The following LRMDA variants were observed in gnomAD, a reference collection of about 807,000 sequenced individuals.
LRMDA encodes leucine-rich melanocyte differentiation-associated protein.
Under a neutral mutation model 29.8 loss-of-function variants are expected in LRMDA, and 18 were observed. The observed-to-expected ratio is 0.60, with a 90% CI of 0.42 to 0.90. The LOEUF (loss-of-function observed/expected upper bound fraction) is 0.90. LRMDA is among the 40% of genes least tolerant of loss of function. The pLI is 0.00. For missense variants in LRMDA, 273 were observed against 273.9 expected (o/e 1.00, Z 0.02); for synonymous variants, 125 against 109.4 (o/e 1.14, Z -0.89).
chr10:75,527,169 A>G (rs922907486), intron 2 of LRMDA, among the ~76,000 whole-genome samples: 1 of 152,182 alleles, frequency 6.6e-6, no homozygotes, highest in Non-Finnish European at 1.5e-5. Flanking sequence ...TCAGAATACT[A>G]TTTTTAAGGT....
In LRMDA at chr10:76,018,765, G is replaced by A. The variant is rs12251430; in HGVS notation, c.132-17243G>A. 6.0e-3 allele frequency among the ~76,000 whole-genome samples: 912 copies of A among 152,002 alleles called. 9 individuals carry two copies. Among genetic ancestry groups the A allele is most frequent in the African/African-American group, 0.02 (828 of 41,458 alleles). The stretch of plus-strand genomic sequence containing the variant: ...GTATTTTTAGTAGAGACAGGGTTTC[G>A]CCATGTTGGCCAGGATGGTCTTGAT... On this transcript the variant is annotated intron_variant, in intron 2 of 6. Transcript: ENST00000611255.
intron 6 of LRMDA, among the ~76,000 whole-genome samples, chr10:76,398,075 T>C (rs570279961): frequency 6.5e-4 from 99 of 152,326 alleles, no homozygotes; most frequent in Middle Eastern, 6.8e-3. Context: ...TTTTCAGCTG[T>C]GCCAGAACCG....
intron 6 of LRMDA, among the ~76,000 whole-genome samples, chr10:76,479,055 T>C (rs1842709555): frequency 6.6e-6 from 1 of 151,024 alleles, no homozygotes; most frequent in Admixed American, 6.6e-5. Context: ...AATAAAAATA[T>C]ATATATAAAT....
intron 5 of LRMDA, among the ~76,000 whole-genome samples, chr10:76,221,308 A>G (rs555329994): frequency 1.3e-5 from 2 of 152,360 alleles, no homozygotes; most frequent in East Asian, 1.9e-4. Context: ...AGGGTATTCA[A>G]TTAGGAAAAG....
intron 2 of LRMDA, among the ~76,000 whole-genome samples, chr10:75,511,228 G>T (rs536066734): frequency 1.3e-5 from 2 of 151,980 alleles, no homozygotes; most frequent in East Asian, 1.9e-4. Flanking sequence ...CCACCTACTC[G>T]CGAGGCTGAG....
chr10:75,958,636 G>C (rs979315178), intron 2 of LRMDA, among the ~76,000 whole-genome samples: 2 of 152,154 alleles, frequency 1.3e-5, no homozygotes, highest in Admixed American at 1.3e-4. Context: ...GATAATTGAT[G>C]TTTTATGGAT....
intron 6 of LRMDA, chr10:76,464,801 T>A (rs977325046): frequency 1.3e-5 from 2 of 152,220 alleles, no homozygotes; most frequent in African/African-American, 2.4e-5. Context: ...CATATCTTCA[T>A]CACCGTGTAG....
chr10:75,954,444 ATG>A (rs1846631556), intron 2 of LRMDA, among the ~76,000 whole-genome samples: 1 of 152,226 alleles, frequency 6.6e-6, no homozygotes, highest in South Asian at 2.1e-4. Flanking sequence ...ACTGCATCTC[ATG>A]TTGCTAAAAT....
At chr10:75,436,653 T>G (rs1844267431) in intron 1 of LRMDA, among the ~76,000 whole-genome samples, 1 of 152,006 alleles carries the variant, frequency 6.6e-6, no homozygotes. Flanking sequence ...GTATTTTTAG[T>G]AGAGATGGGG....
At chr10:75,713,097 A>G (rs10762677) in intron 2 of LRMDA, among the ~76,000 whole-genome samples, 56,474 of 152,114 alleles carry the variant, frequency 0.37, 16,322 homozygotes, top group African/African-American at 0.8. Flanking sequence ...AAAGTTAGTG[A>G]CTTTCTACCT....
intron 2 of LRMDA, among the ~76,000 whole-genome samples, chr10:75,583,487 G>T (rs1227102218): frequency 2.0e-5 from 3 of 152,166 alleles, no homozygotes; most frequent in Admixed American, 2.0e-4. Context: ...CAACTCTCAT[G>T]AGAACTCATT....
At chr10:75,507,328 C>T (rs569011562) in intron 2 of LRMDA, among the ~76,000 whole-genome samples, 4 of 152,266 alleles carry the variant, frequency 2.6e-5, no homozygotes, top group Admixed American at 2.0e-4. Context: ...GGCAGGAGCT[C>T]TCCTGAAGCA....
At chr10:75,593,178 T>C (rs1483196973) in intron 2 of LRMDA, among the ~76,000 whole-genome samples, 3 of 152,244 alleles carry the variant, frequency 2.0e-5, no homozygotes, top group African/African-American at 7.2e-5. Context: ...ATTTATTTTT[T>C]AACCAGTTTT....
intron 2 of LRMDA, among the ~76,000 whole-genome samples, chr10:75,932,092 T>A (rs1401802625): frequency 6.6e-6 from 1 of 152,148 alleles, no homozygotes; most frequent in Non-Finnish European, 1.5e-5. Flanking sequence ...CAATAACAAG[T>A]TTTTTGGGTT....
intron 2 of LRMDA, among the ~76,000 whole-genome samples, chr10:75,867,492 G>A (rs943646299): frequency 1.7e-4 from 26 of 152,146 alleles, no homozygotes; most frequent in African/African-American, 3.6e-4. Context: ...ACACCAGAGC[G>A]TCTTCATTTC....
At chr10:75,446,498 G>C (rs574652462) in intron 2 of LRMDA, among the ~76,000 whole-genome samples, 1 of 152,166 alleles carries the variant, frequency 6.6e-6, no homozygotes, top group African/African-American at 2.4e-5. Flanking sequence ...ATATCTCAGC[G>C]TTCTTTGGTA....
chr10:76,103,178 C>A (rs1235486144), intron 5 of LRMDA, among the ~76,000 whole-genome samples: 3 of 152,142 alleles, frequency 2.0e-5, no homozygotes, highest in African/African-American at 7.2e-5. Context: ...CATGTAGGAA[C>A]CTTTGTAGCT....
intron 5 of LRMDA, among the ~76,000 whole-genome samples, chr10:76,207,127 C>A (rs1409908492): frequency 6.6e-6 from 1 of 152,082 alleles, no homozygotes; most frequent in East Asian, 1.9e-4. Context: ...CTACTCTGTG[C>A]CACAACAGGG....
chr10:75,855,551 A>G (rs1844811094), intron 2 of LRMDA, among the ~76,000 whole-genome samples: 1 of 152,206 alleles, frequency 6.6e-6, no homozygotes, highest in African/African-American at 2.4e-5. Flanking sequence ...TTTGCTGCGC[A>G]GAAGCTCTTG....
Sources: gnomAD v4.1 joint callset for allele counts (sites outside exome capture counted in the v4.1 genomes callset) on GRCh38, gnomAD v4.1.1 for gene constraint, MANE v1.5 for transcripts, NCBI Gene and HGNC (gene_info 2026-07-23, HGNC 2026-07-21) for gene names.